ABCA3: variants seen among roughly 807,000 people sequenced by gnomAD.
ABCA3 encodes the protein ATP binding cassette subfamily A member 3.
Under a neutral mutation model 172.8 loss-of-function variants are expected in ABCA3, and 88 were observed. That is an observed-to-expected ratio of 0.51 (90% confidence interval 0.43 to 0.61). The LOEUF is 0.61. Ranked by LOEUF, ABCA3 falls within the 20% of genes least tolerant of loss-of-function variation. The probability of loss-of-function intolerance (pLI) is 0.00; values close to 1 mark genes in which losing one functional copy is unlikely to be tolerated. For missense variants in ABCA3, 2,164 were observed against 2,301.0 expected (o/e 0.94, Z 1.22); for synonymous variants, 1,066 against 983.8 (o/e 1.08, Z -1.56).
At chr16:2,317,076 C>T (rs567308291) in intron 10 of ABCA3, among the ~76,000 whole-genome samples, 39 of 152,292 alleles carry the variant, frequency 2.6e-4, no homozygotes, top group African/African-American at 8.9e-4. Flanking sequence ...CTCGGCATGG[C>T]CAGCCACACA....
intron 10 of ABCA3, among the ~76,000 whole-genome samples, chr16:2,314,872 C>CTTTTT (rs35616252): frequency 5.3e-5 from 5 of 93,498 alleles, no homozygotes; most frequent in Non-Finnish European, 6.2e-5. Flanking sequence ...AGTGCCTGGT[C>CTTTTT]TTTTTTTTTT....
rs963121296 is a variant in ABCA3 at position 2,276,562 on chromosome 16, T to C, written c.*112A>G. 6 of 1,517,246 alleles carry C rather than the reference T, an allele frequency of 4.0e-6. No homozygotes were observed. The highest frequency in any genetic ancestry group is 2.8e-5 in the African/African-American group (2 of 72,306). The allele number at this position is 1,517,246 out of a possible 1,614,324, so 94.0% of individuals were successfully genotyped here. The stretch of plus-strand genomic sequence containing the variant: ...TGCCTTGAATTTTTCATATCCATCA[T>C]AGAAAAAAGTGATTAAAAATAAAGG... On this transcript the variant is annotated 3_prime_UTR_variant, in exon 33 of 33. Transcript: ENST00000301732.
At chr16:2,312,232 G>A (rs947207646) in intron 10 of ABCA3, among the ~76,000 whole-genome samples, 3 of 152,142 alleles carry the variant, frequency 2.0e-5, no homozygotes, top group Non-Finnish European at 2.9e-5. Context: ...TAAAAAGACA[G>A]GCTCCTACTG....
intron 11 of ABCA3, among the ~76,000 whole-genome samples, chr16:2,307,946 A>G (rs2093700445): frequency 6.6e-6 from 1 of 152,204 alleles, no homozygotes; most frequent in African/African-American, 2.4e-5. Flanking sequence ...AAGCTGGAAG[A>G]GGCCAGATGT....
rs763684989 is a variant in ABCA3, at chr16:2,299,440, G to A, written c.1704C>T (p.Asn568=). 185 of 1,613,746 alleles carry A rather than the reference G, an allele frequency of 1.1e-4. No individual in the cohort carries two copies. Among genetic ancestry groups the A allele is most frequent in the Non-Finnish European group, 1.6e-4 (183 of 1,179,990 alleles). The change falls in exon 14 of 33, where the codon AAC becomes AAT. Residue 568 remains asparagine (N), a synonymous_variant. Coordinates refer to ENST00000301732, the MANE Select transcript of ABCA3 (RefSeq NM_001089.3). ...AGAGGGTGGTGGTCTTCCCGGCACC[G>A]TTGTGGCCCAGCAGGACGGTGATCT... ...EGQITVLLGH[N]GAGKTTTLSM... is the part of the protein sequence containing the mutation.
Position 2,287,884 on chromosome 16 carries a change from T to C in ABCA3, c.3004+142A>G. ...TGATGGGGTGGGGCAAGGTCAGGGA[T>C]GCTGCTGAACCTCCCTCAGTACATT... On this transcript the variant is annotated intron_variant, in intron 21 of 32. Coordinates refer to ENST00000301732, the MANE Select transcript of ABCA3 (RefSeq NM_001089.3). This position sits in a 1 kb window ranked among gnomAD's most constrained non-coding sequence, Gnocchi z 4.1. 9.7e-7 allele frequency: 1 copy of C among 1,026,562 alleles called. No homozygotes were observed. Among genetic ancestry groups the C allele is most frequent in the Non-Finnish European group, 1.4e-6 (1 of 700,854 alleles). The allele number at this position is 1,026,562 out of a possible 1,614,324, so 63.6% of individuals were successfully genotyped here. A position where few individuals can be genotyped will look rare whatever the true frequency, so the allele number is the denominator to read the frequency against.
Position 2,281,746 on chromosome 16 carries a change from C to T in ABCA3, c.4036-237G>A, listed in dbSNP as rs750953721. 7.3e-5 allele frequency among the ~76,000 whole-genome samples: 11 copies of T among 151,704 alleles called. No individual in the cohort carries two copies. Among genetic ancestry groups the T allele is most frequent in the African/African-American group, 9.7e-5 (4 of 41,236 alleles). ...AACTATCTGAGGAAAAAGAACTGTG[C>T]GGGACTCATGGAGAAAAATCATAAA... On this transcript the variant is annotated intron_variant, in intron 26 of 32. Transcript: ENST00000301732. The surrounding 1 kb of genome is among the most constrained non-coding windows in gnomAD (Gnocchi z 4.7).
rs371065278 is a variant in ABCA3, at chr16:2,324,549, G to C, written c.320-18C>G. 1 of 1,607,524 alleles carries C rather than the reference G, an allele frequency of 6.2e-7. No homozygotes were observed. On this transcript the variant is annotated intron_variant, in intron 5 of 32. Coordinates refer to ENST00000301732, the MANE Select transcript of ABCA3 (RefSeq NM_001089.3). ...GCCGCGCACTGCAAAGAGAGAGCACGGGAGCTGTGGTTGCCCAATCGGCCC... is the reference window on the plus strand; with the variant it reads ...GCCGCGCACTGCAAAGAGAGAGCACCGGAGCTGTGGTTGCCCAATCGGCCC...
chr16:2,285,621 G>A lies in ABCA3; in HGVS notation c.3304C>T (p.Leu1102Phe), dbSNP rs1474715656. 2.6e-6 allele frequency: 4 copies of A among 1,554,258 alleles called. No individual in the cohort carries two copies. Among genetic ancestry groups the A allele is most frequent in the Non-Finnish European group, 3.5e-6 (4 of 1,148,406 alleles). Residue 1102 changes from leucine to phenylalanine, a missense_variant, in exon 23 of 33, where the codon CTC (leucine) becomes TTC (phenylalanine). Coordinates refer to ENST00000301732, the MANE Select transcript of ABCA3 (RefSeq NM_001089.3). This position sits in a 1 kb window ranked among gnomAD's most constrained non-coding sequence, Gnocchi z 4.7. The part of the protein sequence containing the change: ...NEGRKGFDIA[L>F]NLLFAMAFLA... ...AATGCCATGGCGAAGAGCAGGTTGA[G>A]GGCAATGTCGAATCCCTTCCGGCCC...
chr16:2,276,653 T>A lies in ABCA3; in HGVS notation c.*21A>T, dbSNP rs1320892271. On this transcript the variant is annotated 3_prime_UTR_variant, in exon 33 of 33. Coordinates refer to ENST00000301732, the MANE Select transcript of ABCA3 (RefSeq NM_001089.3). Reference sequence around the variant, plus strand: ...GCTTGCCCGTCCTGTCCCTGCCTGATGGCGAGACAGCCGCCACCCCTCATC... The same window carrying A: ...GCTTGCCCGTCCTGTCCCTGCCTGAAGGCGAGACAGCCGCCACCCCTCATC... The A allele has an allele frequency of 1.2e-6, 2 of 1,611,692 alleles. No individual in the cohort carries two copies. The highest frequency in any genetic ancestry group is 2.7e-5 in the African/African-American group (2 of 75,024).
intron 1 of ABCA3, among the ~76,000 whole-genome samples, chr16:2,335,998 G>T (rs1039319556): frequency 3.3e-5 from 5 of 152,154 alleles, no homozygotes; most frequent in Non-Finnish European, 5.9e-5. Flanking sequence ...AATGACAAAT[G>T]ACTGCAGCAG....
Position 2,328,010 on chromosome 16 carries a change from T to C in ABCA3, c.-27+443A>G, listed in dbSNP as rs1456600088. ...TGCTGGGATTATAGGCGTGAGCCAC[T>C]GTGCCCAGCTGCCATTTTCATCTTT... On this transcript the variant is annotated intron_variant, in intron 3 of 32. Coordinates refer to ENST00000301732, the MANE Select transcript of ABCA3 (RefSeq NM_001089.3). Among the ~76,000 whole-genome samples the C allele has an allele frequency of 2.0e-5, 3 of 152,292 alleles. No homozygotes were observed. In the East Asian group the frequency reaches 5.8e-4, roughly 29 times the overall value.
chr16:2,323,193 T>C, intron 7 of ABCA3: 2 of 422,678 alleles, frequency 4.7e-6, no homozygotes, highest in South Asian at 4.6e-5. Flanking sequence ...AGGAACACTT[T>C]TACACTGTTG....
chr16:2,283,538 G>T lies in ABCA3; in HGVS notation c.3863-180C>A. The T allele has an allele frequency of 3.0e-6, 2 of 674,972 alleles. No homozygotes were observed. The highest frequency in any genetic ancestry group is 2.9e-5 in the Admixed American group (1 of 34,094). The allele number at this position is 674,972 out of a possible 1,614,324, so 41.8% of individuals were successfully genotyped here. The stretch of plus-strand genomic sequence containing the variant: ...TCTCGAGGCACCACAGCTCAGAGAG[G>T]GGCCAGGCACGTAACAATCCAATGC... On this transcript the variant is annotated intron_variant, in intron 25 of 32. Coordinates refer to ENST00000301732, the MANE Select transcript of ABCA3 (RefSeq NM_001089.3). The surrounding 1 kb of genome is among the most constrained non-coding windows in gnomAD (Gnocchi z 5.4).
intron 20 of ABCA3, among the ~76,000 whole-genome samples, chr16:2,288,634 C>A (rs2093666962): frequency 6.6e-6 from 1 of 152,182 alleles, no homozygotes; most frequent in Non-Finnish European, 1.5e-5. Flanking sequence ...CAGCTCACTG[C>A]AACCTCCACC....
At chr16:2,306,813 A>T (rs895320915) in intron 11 of ABCA3, among the ~76,000 whole-genome samples, 7 of 152,082 alleles carry the variant, frequency 4.6e-5, no homozygotes, top group Non-Finnish European at 8.8e-5. Flanking sequence ...CAGAAGATCG[A>T]GACCATCCTG....
At chr16:2,316,426 C>T (rs932964455) in intron 10 of ABCA3, among the ~76,000 whole-genome samples, 5 of 132,528 alleles carry the variant, frequency 3.8e-5, no homozygotes, top group African/African-American at 1.1e-4. Context: ...GTATGGATCG[C>T]TTGAGGTCAG....
At position 2,283,644 on chromosome 16, in the gene ABCA3, C is replaced by CTCCTGA; in HGVS notation, c.3863-292_3863-287dup. 2.2e-6 allele frequency: 1 copy of CTCCTGA among 455,034 alleles called. No homozygotes were observed. Among genetic ancestry groups the CTCCTGA allele is most frequent in the East Asian group, 4.4e-5 (1 of 22,966 alleles). 28.2% of individuals were successfully genotyped at this position (455,034 alleles called of 1,614,324 possible). ...AGGCTCTGCGTGAATCCTGGGCTGC[C>CTCCTGA]TCCTGACCAGGACAGAGACCGTTAC... On this transcript the variant is annotated intron_variant, in intron 25 of 32. Transcript: ENST00000301732. This position sits in a 1 kb window ranked among gnomAD's most constrained non-coding sequence, Gnocchi z 5.4.
chr16:2,340,230 C>CAGGA (rs1292806730), intron 1 of ABCA3, among the ~76,000 whole-genome samples: 1 of 152,178 alleles, frequency 6.6e-6, no homozygotes, highest in Non-Finnish European at 1.5e-5. Flanking sequence ...TGGGCGCACA[C>CAGGA]AGAGGGCCCG....
Sources: gnomAD v4.1 joint callset for allele counts (sites outside exome capture counted in the v4.1 genomes callset) on GRCh38, gnomAD v4.1.1 for gene constraint, Gnocchi (gnomAD v3.1) non-coding constraint, MANE v1.5 for transcripts, NCBI Gene and HGNC (gene_info 2026-07-23, HGNC 2026-07-21) for gene names.